MED16: variants seen among roughly 807,000 people sequenced by gnomAD.
MED16 encodes mediator complex subunit 16.
A neutral mutation model predicts 84.4 loss-of-function variants in MED16; 81 were observed. The ratio of observed to expected loss-of-function variants is 0.96; its 90% CI spans 0.80 to 1.15. The LOEUF is 1.15. Among genes scored for constraint, MED16 ranks in the 50% most tolerant of loss-of-function variants. The pLI is 0.00. For synonymous variants in MED16, 897 were observed against 552.2 expected (o/e 1.62, Z -8.76); for missense variants, 1,585 against 1,245.9 (o/e 1.27, Z -4.10).
In MED16 at chr19:889,732, C is replaced by A; in HGVS notation, c.353G>T (p.Trp118Leu). Residue 118 changes from tryptophan to leucine, a missense_variant, in exon 4 of 16, where the codon TGG (tryptophan) becomes TTG (leucine). Coordinates refer to ENST00000325464, the MANE Select transcript of MED16 (RefSeq NM_005481.3). The stretch of plus-strand genomic sequence containing the variant: ...CACTAGGCTGCCCACTGAGCTCTCC[C>A]AGCTATTAGCCAGGTGGTCCGCCAT... The part of the protein sequence containing the change: ...WSMADHLANS[W>L]ESSVGSLVEG... The A allele has an allele frequency of 1.2e-6, 2 of 1,613,720 alleles. No homozygotes were observed. Among genetic ancestry groups the A allele is most frequent in the African/African-American group, 2.7e-5 (2 of 75,058 alleles).
intron 8 of MED16, 149 bp from the exon 9 acceptor site, chr19:877,329 G>A (rs549556529): frequency 1.4e-6 from 1 of 732,262 alleles, no homozygotes; most frequent in Non-Finnish European, 2.2e-6. Context: ...TGTGTCTGTA[G>A]CGTCTGTACC....
At chr19:892,610 C>T (rs1041284925) in intron 1 of MED16, 1 of 142,586 alleles carries the variant, frequency 7.0e-6, no homozygotes, top group African/African-American at 2.6e-5. Context: ...CTCCAGACCC[C>T]TATAACTCCG....
chr19:870,569 A>T (rs1349745987), intron 13 of MED16, among the ~76,000 whole-genome samples: 1 of 147,840 alleles, frequency 6.8e-6, no homozygotes, highest in Non-Finnish European at 1.5e-5. Flanking sequence ...GGGGAGACAA[A>T]AAAAAAAAAA....
intron 13 of MED16, 110 bp downstream of exon 13, chr19:870,927 G>A (rs2036034069): frequency 2.7e-6 from 3 of 1,127,074 alleles, no homozygotes; most frequent in Non-Finnish European, 1.3e-6. Flanking sequence ...GGATTCGGGG[G>A]GACCTGGGGC....
Position 876,897 on chromosome 19 carries a change from GCCCCACCTGCCACGGGGC to G in MED16, c.1560+59_1560+76del, listed in dbSNP as rs1173781776. ...CCACGGGGCCCCCACCTGCCACGGG[GCCCCACCTGCCACGGGGC>G]CCCCACCTGCCACAGGGCCCCCACC... On this transcript the variant is annotated intron_variant, in intron 9 of 15. Coordinates refer to ENST00000325464, the MANE Select transcript of MED16 (RefSeq NM_005481.3). 232 of 1,358,442 alleles carry G rather than the reference GCCCCACCTGCCACGGGGC, an allele frequency of 1.7e-4. 1 individual carries two copies. Among genetic ancestry groups the G allele is most frequent in the African/African-American group, 1.4e-3 (86 of 60,296 alleles). The allele number at this position is 1,358,442 out of a possible 1,614,324, so 84.1% of individuals were successfully genotyped here. A position where few individuals can be genotyped will look rare whatever the true frequency, so the allele number is the denominator to read the frequency against.
At chr19:872,562 C>G (rs1476822905) in intron 11 of MED16, among the ~76,000 whole-genome samples, 1 of 149,646 alleles carries the variant, frequency 6.7e-6, no homozygotes, top group Non-Finnish European at 1.5e-5. Context: ...CCGTGATGGG[C>G]GCGGTGGAGA....
chr19:871,387 CCCGGGGTTCTCTCA>C (rs1487806980), intron 12 of MED16, 134 bp from the exon 13 acceptor site: 52 of 1,307,794 alleles, frequency 4.0e-5, no homozygotes, highest in South Asian at 1.0e-4. Context: ...GCTGGGTGAC[CCCGGGGTTCTCTCA>C]CCAGGTCGGG....
At position 868,787 on chromosome 19, in the gene MED16, T is replaced by G. The variant is rs1223845976; in HGVS notation, c.2399+76A>C. Reference sequence around the variant, plus strand: ...CACCACCCTTGACCGTCTGGAGCGCTGGGTGGGGGCTAGAATCAGCTGAGC... The same window carrying G: ...CACCACCCTTGACCGTCTGGAGCGCGGGGTGGGGGCTAGAATCAGCTGAGC... On this transcript the variant is annotated intron_variant, in intron 14 of 15. Coordinates refer to ENST00000325464, the MANE Select transcript of MED16 (RefSeq NM_005481.3). The G allele has an allele frequency of 6.9e-6, 10 of 1,447,232 alleles. 1 individual carries two copies. In the South Asian group the frequency reaches 8.8e-5, roughly 13 times the overall value. 89.6% of individuals were successfully genotyped at this position (1,447,232 alleles called of 1,614,324 possible).
chr19:890,103 C>T (rs1223337017), intron 3 of MED16, 34 bp downstream of exon 3: 25 of 1,482,334 alleles, frequency 1.7e-5, no homozygotes, highest in Admixed American at 2.0e-5. Flanking sequence ...GGATCCGGGT[C>T]GCCACCCCTG....
chr19:880,104 G>T lies in MED16; in HGVS notation c.1186C>A (p.Arg396=). Residue 396 remains arginine (R), a synonymous_variant, in exon 8 of 16, where the codon CGG becomes AGG. Transcript: ENST00000325464. ...ACGGCCATGGTCTGCAGTGAGAGCCGGTGCACGATGTGGACGCTGCCGTCG... is the reference window on the plus strand; with the variant it reads ...ACGGCCATGGTCTGCAGTGAGAGCCTGTGCACGATGTGGACGCTGCCGTCG... ...FHDGSVHIVH[R]LSLQTMAVFY... 6.2e-7 allele frequency: 1 copy of T among 1,610,496 alleles called. No homozygotes were observed. The highest frequency in any genetic ancestry group is 2.2e-5 in the East Asian group (1 of 44,852).
chr19:877,146 T>G lies in MED16; in HGVS notation c.1388A>C (p.His463Pro). Residue 463 changes from histidine to proline, a missense_variant, in exon 9 of 16, where the codon CAC (histidine) becomes CCC (proline). Physicochemically the swap from His to Pro is moderately conservative, Grantham distance 77. Transcript: ENST00000325464. ...CAGCGCCAGCCCCACCTCCAGCGGG[T>G]GGCCCATGGAAGGTGAGAGGCGGAG... is the stretch of plus-strand genomic sequence containing the variant. The part of the protein sequence containing the change: ...SVLRLSPSMG[H>P]PLEVGLALRH... The G allele has an allele frequency of 6.2e-7, 1 of 1,611,792 alleles. No individual in the cohort carries two copies. Among genetic ancestry groups the G allele is most frequent in the Non-Finnish European group, 8.5e-7 (1 of 1,179,624 alleles).
At chr19:892,870 C>T (rs1167556505) in intron 1 of MED16, 3 of 130,870 alleles carry the variant, frequency 2.3e-5, no homozygotes, top group Non-Finnish European at 5.1e-5. Flanking sequence ...CGCCGCAAAC[C>T]CTGAGCCCCG....
chr19:883,488 G>C (rs2036461985), intron 6 of MED16, among the ~76,000 whole-genome samples: 1 of 151,948 alleles, frequency 6.6e-6, no homozygotes, highest in African/African-American at 2.4e-5. Context: ...TGGGCACGTG[G>C]GGCGGTAGGG....
intron 4 of MED16, among the ~76,000 whole-genome samples, chr19:887,316 C>T (rs1414485788): frequency 6.6e-6 from 1 of 152,148 alleles, no homozygotes; most frequent in Non-Finnish European, 1.5e-5. Context: ...GGGTCGCAGG[C>T]TGGCATGTCT....
rs201064678 is a variant in MED16, at chr19:877,658, CCCCAGA to C, written c.1354-484_1354-479del. On this transcript the variant is annotated intron_variant, in intron 8 of 15. Coordinates refer to ENST00000325464, the MANE Select transcript of MED16 (RefSeq NM_005481.3). ...GGCACCCTCCCAGCCCCAGCCCCAG[CCCCAGA>C]CCCACGTGCCCCAGCAGCTCGCCTT... 9.4e-4 allele frequency among the ~76,000 whole-genome samples: 136 copies of C among 144,500 alleles called. 1 individual carries two copies. The highest frequency in any genetic ancestry group is 3.3e-3 in the African/African-American group (124 of 37,324). The allele number at this position is 144,500 out of a possible 152,430, so 94.8% of individuals were successfully genotyped here.
In MED16 at chr19:875,430, T is replaced by C. The variant is rs368293469; in HGVS notation, c.1585A>G (p.Met529Val). 4 of 1,604,220 alleles carry C rather than the reference T, an allele frequency of 2.5e-6. No homozygotes were observed. Among genetic ancestry groups the C allele is most frequent in the African/African-American group, 2.7e-5 (2 of 74,826 alleles). ...GACAGCTTGCAGAGCGAGGCCTTCA[T>C]GGCCAGGATCCGGGTGGAGAGGACC... ...QQVLSTRILA[M>V]KASLCKLSPC... The change falls in exon 10 of 16, where the codon ATG becomes GTG. Residue 529 changes from methionine (M) to valine (V), a missense_variant. Transcript: ENST00000325464.
In MED16 at chr19:871,100, T is replaced by A. The variant is rs1011170078; in HGVS notation, c.2252A>T (p.Gln751Leu). Residue 751 changes from glutamine (Q) to leucine (L), a missense_variant, in exon 13 of 16, where the codon CAG (glutamine) becomes CTG (leucine). Transcript: ENST00000325464. ...AGGCAGCGTGGGCGCCCGGCCAAAC[T>A]GCAGACGAAGGGGCTGCTTGGGCTG... is the stretch of plus-strand genomic sequence containing the variant. ...RLQPKQPLRLQFGRAPTLPGS... is the reference protein window; with the variant it reads ...RLQPKQPLRLLFGRAPTLPGS... 1 of 1,548,392 alleles carries A rather than the reference T, an allele frequency of 6.5e-7. No homozygotes were observed. Among genetic ancestry groups the A allele is most frequent in the African/African-American group, 1.4e-5 (1 of 73,004 alleles).
chr19:889,140 AC>A (rs1431850812), intron 4 of MED16, among the ~76,000 whole-genome samples: 10 of 110,410 alleles, frequency 9.1e-5, no homozygotes, highest in Non-Finnish European at 1.6e-4. Flanking sequence ...GGCCACGCCT[AC>A]TCTTAACTGT....
intron 12 of MED16, 41 bp from the exon 13 acceptor site, chr19:871,294 G>T: frequency 1.3e-6 from 2 of 1,506,734 alleles, no homozygotes; most frequent in South Asian, 1.2e-5. Flanking sequence ...CCCCTGACTG[G>T]GGCACCGCCC....
Sources: gnomAD v4.1 joint callset for allele counts (sites outside exome capture counted in the v4.1 genomes callset) on GRCh38, gnomAD v4.1.1 for gene constraint, MANE v1.5 for transcripts, NCBI Gene and HGNC (gene_info 2026-07-23, HGNC 2026-07-21) for gene names.